Variants in COL8A1 observed in about 807,000 individuals in gnomAD.
COL8A1 encodes the protein collagen alpha-1(VIII) chain.
In COL8A1, 21 loss-of-function variants were observed where a neutral mutation model predicts 42.7. That is an observed-to-expected ratio of 0.49 (90% confidence interval 0.35 to 0.71). The LOEUF (loss-of-function observed/expected upper bound fraction) is 0.71, where lower values mean the gene tolerates loss of function less well. COL8A1 is among the 30% of genes least tolerant of loss of function. The pLI, the probability that COL8A1 is intolerant of heterozygous loss-of-function variation, is 0.01. For missense variants in COL8A1, 788 were observed against 962.4 expected (o/e 0.82, Z 2.40); for synonymous variants, 367 against 369.1 (o/e 0.99, Z 0.06).
rs777363083 is a variant in COL8A1 at position 99,795,698 on chromosome 3, T to G, written c.1797T>G (p.His599Gln). ...GLGIDGVKPPHAYGAKKGKNG... is the reference protein window; with the variant it reads ...GLGIDGVKPPQAYGAKKGKNG... ...GAATTGATGGCGTGAAACCCCCCCA[T>G]GCCTACGGGGCTAAGAAAGGCAAGA... Residue 599 changes from histidine (H) to glutamine (Q), a missense_variant, in exon 4 of 4, where the codon CAT (histidine) becomes CAG (glutamine). Transcript: ENST00000652472. The G allele has an allele frequency of 1.2e-6, 2 of 1,613,836 alleles. No individual in the cohort carries two copies. Among genetic ancestry groups the G allele is most frequent in the Non-Finnish European group, 1.7e-6 (2 of 1,179,960 alleles).
intron 1 of COL8A1, among the ~76,000 whole-genome samples, chr3:99,673,458 G>A (rs1446333936): frequency 1.3e-5 from 2 of 151,980 alleles, no homozygotes; most frequent in Admixed American, 1.3e-4. Flanking sequence ...CCATGAGTTT[G>A]TCTAAATCAT....
At chr3:99,644,440 A>G (rs990819539) in intron 1 of COL8A1, among the ~76,000 whole-genome samples, 1 of 152,230 alleles carries the variant, frequency 6.6e-6, no homozygotes, top group Non-Finnish European at 1.5e-5. Context: ...TCCATCATAG[A>G]AAGTGACGAA....
At chr3:99,721,512 G>C (rs1210434923) in intron 1 of COL8A1, among the ~76,000 whole-genome samples, 1 of 151,960 alleles carries the variant, frequency 6.6e-6, no homozygotes, top group Non-Finnish European at 1.5e-5. Context: ...CTGAGAGAGA[G>C]AGGAGACAGG....
At chr3:99,745,969 T>C (rs372993227) in intron 2 of COL8A1, among the ~76,000 whole-genome samples, 1 of 152,172 alleles carries the variant, frequency 6.6e-6, no homozygotes, top group East Asian at 1.9e-4. Context: ...TATTTCCTGA[T>C]ATATAATAGT....
intron 1 of COL8A1, among the ~76,000 whole-genome samples, chr3:99,657,237 C>T (rs1938051158): frequency 6.6e-6 from 1 of 152,178 alleles, no homozygotes; most frequent in African/African-American, 2.4e-5. Flanking sequence ...GATCAGATGT[C>T]ATGGCTTTTG....
In COL8A1 at chr3:99,797,450, T is replaced by A. The variant is rs1942126054; in HGVS notation, c.*1314T>A. 1 of 152,068 alleles carries A rather than the reference T, an allele frequency of 6.6e-6. No individual in the cohort carries two copies. The highest frequency in any genetic ancestry group is 1.5e-5 in the Non-Finnish European group (1 of 68,036). 9.4% of individuals were successfully genotyped at this position (152,068 alleles called of 1,614,324 possible). On this transcript the variant is annotated 3_prime_UTR_variant, in exon 4 of 4. Coordinates refer to ENST00000652472, the MANE Select transcript of COL8A1 (RefSeq NM_020351.4). ...CCATGCCTGGCTAATTTTTGTATAT[T>A]TAGTAAAGATGGGTTTTCGCCATGT...
chr3:99,640,735 T>C (rs1937491510), intron 1 of COL8A1, among the ~76,000 whole-genome samples: 1 of 152,168 alleles, frequency 6.6e-6, no homozygotes, highest in South Asian at 2.1e-4. Flanking sequence ...ATAGGGTACA[T>C]ACCAAGCAAG....
At position 99,791,055 on chromosome 3, in the gene COL8A1, A is replaced by T. The variant is rs769158489; in HGVS notation, c.328+45A>T. On this transcript the variant is annotated intron_variant, in intron 3 of 3. Transcript: ENST00000652472. ...CTGTTATAAAACAACAGCTTTCCAA[A>T]TCTCTAAATTATGGGATCAGAGGGG... 1.5e-5 allele frequency: 22 copies of T among 1,512,892 alleles called. No individual in the cohort carries two copies. In the Middle Eastern group the frequency reaches 7.0e-4, roughly 48 times the overall value. The allele number at this position is 1,512,892 out of a possible 1,614,324, so 93.7% of individuals were successfully genotyped here.
In COL8A1 at chr3:99,796,095, G is replaced by A. The variant is rs1255021781; in HGVS notation, c.2194G>A (p.Val732Ile). The A allele has an allele frequency of 1.3e-6, 2 of 1,557,022 alleles. No individual in the cohort carries two copies. Among genetic ancestry groups the A allele is most frequent in the African/African-American group, 2.8e-5 (2 of 72,664 alleles). ...QAAGLYAGQY[V>I]HSSFSGYLLY... ...TGCAGGACTGTATGCCGGGCAGTAT[G>A]TCCACTCCTCCTTTTCAGGATATTT... The change falls in exon 4 of 4, where the codon GTC becomes ATC. Residue 732 changes from valine (V) to isoleucine (I), a missense_variant. Around this residue, in one of 4 missense-constraint regions of COL8A1, gnomAD observed 212 missense variants for 210.9 expected, o/e 1.00. Coordinates refer to ENST00000652472, the MANE Select transcript of COL8A1 (RefSeq NM_020351.4).
intron 2 of COL8A1, among the ~76,000 whole-genome samples, chr3:99,788,751 A>G (rs1207093780): frequency 6.6e-6 from 1 of 152,246 alleles, no homozygotes; most frequent in Non-Finnish European, 1.5e-5. Flanking sequence ...AGCAAAAAAT[A>G]GAAGTGTGTA....
intron 2 of COL8A1, among the ~76,000 whole-genome samples, chr3:99,776,217 G>T (rs1360823721): frequency 6.6e-6 from 1 of 152,152 alleles, no homozygotes; most frequent in Non-Finnish European, 1.5e-5. Context: ...AGCACCAGAT[G>T]GGACTCAGAA....
chr3:99,732,468 G>A (rs1340497076), intron 1 of COL8A1, among the ~76,000 whole-genome samples: 1 of 152,082 alleles, frequency 6.6e-6, no homozygotes, highest in Non-Finnish European at 1.5e-5. Context: ...CAGCAGCAAG[G>A]AGAAGTGCCA....
At chr3:99,648,491 T>A (rs181052650) in intron 1 of COL8A1, among the ~76,000 whole-genome samples, 165 of 152,178 alleles carry the variant, frequency 1.1e-3, no homozygotes, top group Non-Finnish European at 1.4e-3. Flanking sequence ...AAGCATGCTG[T>A]CATTTCAGAG....
intron 1 of COL8A1, among the ~76,000 whole-genome samples, chr3:99,731,421 T>A (rs901445668): frequency 2.0e-5 from 3 of 152,030 alleles, no homozygotes; most frequent in African/African-American, 7.2e-5. Flanking sequence ...AAGGCCAGTG[T>A]GGCCAGGGTG....
chr3:99,665,673 C>CTTTTTTT (rs67004417), intron 1 of COL8A1, among the ~76,000 whole-genome samples: 3 of 70,220 alleles, frequency 4.3e-5, no homozygotes, highest in East Asian at 3.9e-4. Context: ...TGAATTAATT[C>CTTTTTTT]TTTTTTTTTT....
chr3:99,653,670 T>C (rs1427655846), intron 1 of COL8A1, among the ~76,000 whole-genome samples: 1 of 151,184 alleles, frequency 6.6e-6, no homozygotes, highest in East Asian at 1.9e-4. Context: ...TCTTACCTCA[T>C]CCCGTGAGTT....
At chr3:99,684,961 C>G (rs77334337) in intron 1 of COL8A1, among the ~76,000 whole-genome samples, 4,837 of 152,236 alleles carry the variant, frequency 0.032, 183 homozygotes, top group East Asian at 0.15. Context: ...TACCCACTTC[C>G]TCCAGTGATA....
intron 1 of COL8A1, among the ~76,000 whole-genome samples, chr3:99,720,827 A>G (rs1437179316): frequency 6.6e-6 from 1 of 152,106 alleles, no homozygotes; most frequent in African/African-American, 2.4e-5. Context: ...TTGGTTTTGG[A>G]ATCAAAAGTG....
chr3:99,748,476 AG>A, intron 2 of COL8A1, among the ~76,000 whole-genome samples: 1 of 151,812 alleles, frequency 6.6e-6, no homozygotes, highest in East Asian at 1.9e-4. Context: ...GTTAAATAAA[AG>A]TAATAAGTAT....
Sources: allele counts gnomAD v4.1 joint callset (sites outside exome capture counted in the v4.1 genomes callset), GRCh38; gene constraint gnomAD v4.1.1; regional missense constraint gnomAD v4.1.1; transcripts MANE v1.5; gene names NCBI Gene and HGNC (gene_info 2026-07-23, HGNC 2026-07-21).